Variants in DSCAML1 observed in about 807,000 individuals in gnomAD.
DSCAML1 encodes the protein DS cell adhesion molecule like 1.
A neutral mutation model predicts 200.5 loss-of-function variants in DSCAML1; 38 were observed. The ratio of observed to expected loss-of-function variants is 0.19; its 90% CI spans 0.15 to 0.25. DSCAML1 has a LOEUF of 0.25. Among genes scored for constraint, DSCAML1 ranks in the 10% least tolerant of loss-of-function variants. The pLI, the probability that DSCAML1 is intolerant of heterozygous loss-of-function variation, is 1.00. For synonymous variants in DSCAML1, 1,215 were observed against 1,165.0 expected (o/e 1.04, Z -0.87); for missense variants, 2,223 against 2,858.8 (o/e 0.78, Z 5.07).
At chr11:117,681,638 T>C (rs986701601) in intron 3 of DSCAML1, among the ~76,000 whole-genome samples, 3 of 152,320 alleles carry the variant, frequency 2.0e-5, no homozygotes, top group Middle Eastern at 3.4e-3. Context: ...TTCTCCTCCA[T>C]GGCTACCCTG....
Position 117,428,436 on chromosome 11 carries a change from G to A in DSCAML1, c.6054C>T (p.Thr2018=), listed in dbSNP as rs2047707080. Residue 2018 remains threonine, a synonymous_variant, in exon 33 of 33, where the codon ACC becomes ACT. Transcript: ENST00000651296. ...GCGAGTCCCTGGAGCCCCCCATTTTGGTGTGTGGGCCCCCGGCTCGTGGAG... is the reference window on the plus strand; with the variant it reads ...GCGAGTCCCTGGAGCCCCCCATTTTAGTGTGTGGGCCCCCGGCTCGTGGAG... ...TEPPRAGGPH[T]KMGGSRDSLL... is the part of the protein sequence containing the mutation. 3.9e-6 allele frequency: 6 copies of A among 1,545,308 alleles called. No homozygotes were observed. Among genetic ancestry groups the A allele is most frequent in the Non-Finnish European group, 5.2e-6 (6 of 1,148,482 alleles).
intron 3 of DSCAML1, among the ~76,000 whole-genome samples, chr11:117,667,358 G>C (rs562506034): frequency 6.6e-6 from 1 of 152,308 alleles, no homozygotes; most frequent in South Asian, 2.1e-4. Context: ...GTTGTAGTGA[G>C]CCAAGATGGC....
At chr11:117,473,295 G>A (rs1208315291) in intron 14 of DSCAML1, among the ~76,000 whole-genome samples, 1 of 152,180 alleles carries the variant, frequency 6.6e-6, no homozygotes, top group African/African-American at 2.4e-5. Flanking sequence ...TCAGGAGTTT[G>A]AGACCAGCTG....
At chr11:117,796,925 C>G (rs1261769705) in intron 1 of DSCAML1, 109 bp downstream of exon 1, 3 of 783,228 alleles carry the variant, frequency 3.8e-6, no homozygotes, top group Non-Finnish European at 3.5e-6. Flanking sequence ...CCTTGCACCC[C>G]GGTCGGTTCC....
At position 117,629,590 on chromosome 11, in the gene DSCAML1, C is replaced by G. The variant is rs193062115; in HGVS notation, c.512-97068G>C. Among the ~76,000 whole-genome samples, 78 of 151,308 alleles carry G rather than the reference C, an allele frequency of 5.2e-4. 1 individual carries two copies. In the East Asian group the frequency reaches 0.014, roughly 26 times the overall value. On this transcript the variant is annotated intron_variant, in intron 3 of 32. Coordinates refer to ENST00000651296, the MANE Select transcript of DSCAML1 (RefSeq NM_020693.4). ...AGCAACAGAAACTGCAAGTGGCAGA[C>G]CCACACAACGGGAGAGATGGACAGA...
At chr11:117,568,961 T>A (rs1203160709) in intron 3 of DSCAML1, among the ~76,000 whole-genome samples, 1 of 152,196 alleles carries the variant, frequency 6.6e-6, no homozygotes, top group Non-Finnish European at 1.5e-5. Flanking sequence ...ACTACCTGAC[T>A]TCAAACTATA....
intron 3 of DSCAML1, among the ~76,000 whole-genome samples, chr11:117,669,911 G>A (rs1028804523): frequency 3.3e-5 from 5 of 152,218 alleles, no homozygotes; most frequent in African/African-American, 9.6e-5. Context: ...GAGTGGCAAG[G>A]ACAAGACCAC....
rs527812999 is a variant in DSCAML1, at chr11:117,620,618, G to A, written c.512-88096C>T. Among the ~76,000 whole-genome samples the A allele has an allele frequency of 3.9e-5, 6 of 152,250 alleles. No individual in the cohort carries two copies. In the East Asian group the frequency reaches 7.7e-4, roughly 20 times the overall value. ...TCTCCTGCGGCTGTCCTCTCCTCCC[G>A]CATGTCACAGAGAAAATATCCTTGC... On this transcript the variant is annotated intron_variant, in intron 3 of 32. Coordinates refer to ENST00000651296, the MANE Select transcript of DSCAML1 (RefSeq NM_020693.4).
chr11:117,614,317 A>G (rs1591323935), intron 3 of DSCAML1, among the ~76,000 whole-genome samples: 1 of 152,120 alleles, frequency 6.6e-6, no homozygotes, highest in East Asian at 1.9e-4. Flanking sequence ...CAACAGCCCT[A>G]TGTAGGTAGA....
chr11:117,797,278 C>T (rs2055602453), upstream of DSCAML1: 2 of 1,345,964 alleles, frequency 1.5e-6, no homozygotes, highest in East Asian at 3.1e-5. Context: ...CTGGGCTAGG[C>T]GGCCGCTCTC....
At chr11:117,444,564 C>T (rs568241405) in intron 20 of DSCAML1, among the ~76,000 whole-genome samples, 7 of 152,094 alleles carry the variant, frequency 4.6e-5, no homozygotes, top group South Asian at 2.1e-4. Flanking sequence ...GAGGAGGGGG[C>T]GGGAGAAGGA....
chr11:117,787,643 G>A (rs192809756), intron 1 of DSCAML1, among the ~76,000 whole-genome samples: 5 of 152,176 alleles, frequency 3.3e-5, no homozygotes, highest in Admixed American at 1.3e-4. Flanking sequence ...CTTTCCCAAC[G>A]ACAGACAATT....
chr11:117,683,042 A>G (rs2053338664), intron 3 of DSCAML1, among the ~76,000 whole-genome samples: 1 of 152,218 alleles, frequency 6.6e-6, no homozygotes, highest in Non-Finnish European at 1.5e-5. Flanking sequence ...TCACTCATTC[A>G]TCCATTCATT....
intron 11 of DSCAML1, among the ~76,000 whole-genome samples, chr11:117,496,564 T>C (rs2049291987): frequency 6.6e-6 from 1 of 152,254 alleles, no homozygotes; most frequent in Non-Finnish European, 1.5e-5. Context: ...ACATACAGGA[T>C]ACACACAATT....
At chr11:117,652,333 C>A (rs1021779516) in intron 3 of DSCAML1, among the ~76,000 whole-genome samples, 2 of 152,222 alleles carry the variant, frequency 1.3e-5, no homozygotes, top group Non-Finnish European at 2.9e-5. Context: ...TGCATATTAT[C>A]CCCATGGGAA....
intron 3 of DSCAML1, among the ~76,000 whole-genome samples, chr11:117,743,623 G>T (rs1206241072): frequency 2.0e-5 from 3 of 152,144 alleles, no homozygotes; most frequent in Non-Finnish European, 4.4e-5. Flanking sequence ...AGGGCAGCAG[G>T]TCCTCCCCAA....
At chr11:117,751,167 T>C (rs539639479) in intron 3 of DSCAML1, among the ~76,000 whole-genome samples, 38 of 152,116 alleles carry the variant, frequency 2.5e-4, no homozygotes, top group Non-Finnish European at 4.0e-4. Flanking sequence ...GGGCCCGTAA[T>C]GAGTCCTCAT....
chr11:117,516,792 C>T lies in DSCAML1; in HGVS notation c.1511-53G>A. ...GGAGGAGAAGGGCATGTGCTGCTGTCAGCCAGGGACAGCCAGGCACCACCC... is the reference window on the plus strand; with the variant it reads ...GGAGGAGAAGGGCATGTGCTGCTGTTAGCCAGGGACAGCCAGGCACCACCC... On this transcript the variant is annotated intron_variant, in intron 7 of 32. Coordinates refer to ENST00000651296, the MANE Select transcript of DSCAML1 (RefSeq NM_020693.4). The surrounding 1 kb of genome is among the most constrained non-coding windows in gnomAD (Gnocchi z 5.7). 1 of 1,560,734 alleles carries T rather than the reference C, an allele frequency of 6.4e-7. No individual in the cohort carries two copies. The highest frequency in any genetic ancestry group is 8.7e-7 in the Non-Finnish European group (1 of 1,153,914).
At chr11:117,647,931 G>A (rs962390604) in intron 3 of DSCAML1, among the ~76,000 whole-genome samples, 11 of 152,248 alleles carry the variant, frequency 7.2e-5, no homozygotes, top group Middle Eastern at 3.4e-3. Context: ...GCCATGTCAC[G>A]TCCCGCCGGC....
Sources: allele counts gnomAD v4.1 joint callset (sites outside exome capture counted in the v4.1 genomes callset), GRCh38; gene constraint gnomAD v4.1.1; non-coding constraint Gnocchi (gnomAD v3.1); transcripts MANE v1.5; gene names NCBI Gene and HGNC (gene_info 2026-07-23, HGNC 2026-07-21).